The following HPSE2 variants were observed in gnomAD, a reference collection of about 807,000 sequenced individuals.
The protein encoded by HPSE2 is heparanase 2 (inactive).
HPSE2 carries 38 observed loss-of-function variants against 60.5 expected under a neutral mutation model. The observed-to-expected ratio is 0.63, with a 90% CI of 0.48 to 0.82. The LOEUF (loss-of-function observed/expected upper bound fraction) is 0.82, where lower values mean the gene tolerates loss of function less well. Among genes scored for constraint, HPSE2 ranks in the 40% least tolerant of loss-of-function variants. HPSE2 has a pLI of 0.00. For missense variants in HPSE2, 713 were observed against 740.4 expected (o/e 0.96, Z 0.43); for synonymous variants, 295 against 293.2 (o/e 1.01, Z -0.06).
At chr10:98,678,010 T>C (rs1033581042) in intron 6 of HPSE2, among the ~76,000 whole-genome samples, 6 of 152,200 alleles carry the variant, frequency 3.9e-5, no homozygotes, top group African/African-American at 1.4e-4. Flanking sequence ...GCTAAAAATC[T>C]GAATTATCAA....
intron 2 of HPSE2, among the ~76,000 whole-genome samples, chr10:99,165,986 G>T (rs1433603539): frequency 7.3e-6 from 1 of 137,916 alleles, no homozygotes; most frequent in African/African-American, 2.5e-5. Flanking sequence ...CCAACACTTT[G>T]TTGTTTTTTG....
At chr10:99,199,745 A>G (rs941145438) in intron 2 of HPSE2, among the ~76,000 whole-genome samples, 4 of 152,146 alleles carry the variant, frequency 2.6e-5, no homozygotes, top group African/African-American at 9.6e-5. Context: ...TCAAGAATGC[A>G]TTGGCATTTC....
At chr10:99,314,018 G>A in the HPSE2 span, among the ~76,000 whole-genome samples, 1 of 152,090 alleles carries the variant, frequency 6.6e-6, no homozygotes, top group South Asian at 2.1e-4. Flanking sequence ...CTCATTTTAA[G>A]AAATGTTCAC....
chr10:98,563,283 A>G lies in HPSE2; in HGVS notation c.1320+51621T>C, dbSNP rs1186419980. ...ATTGCAACATGGATGAACCTTGAAG[A>G]CATTATGCTAAGTCAAAGAACCTAG... On this transcript the variant is annotated intron_variant, in intron 9 of 11. Coordinates refer to ENST00000370552, the MANE Select transcript of HPSE2 (RefSeq NM_021828.5). Among the ~76,000 whole-genome samples the G allele has an allele frequency of 2.0e-5, 3 of 152,326 alleles. 1 individual carries two copies. The highest frequency in any genetic ancestry group is 2.0e-4 in the Admixed American group (3 of 15,288).
chr10:99,105,656 A>G (rs1844216679), intron 3 of HPSE2, among the ~76,000 whole-genome samples: 1 of 151,716 alleles, frequency 6.6e-6, no homozygotes, highest in Non-Finnish European at 1.5e-5. Context: ...CATTTTTCTC[A>G]TGGCCCTAGC....
chr10:99,186,131 C>CACACACACAT (rs1554912925), intron 2 of HPSE2, among the ~76,000 whole-genome samples: 7 of 149,404 alleles, frequency 4.7e-5, no homozygotes, highest in African/African-American at 1.2e-4. Flanking sequence ...CACACACACA[C>CACACACACAT]ACACACACAC....
At chr10:98,908,986 T>C (rs72836754) in intron 3 of HPSE2, among the ~76,000 whole-genome samples, 2 of 152,150 alleles carry the variant, frequency 1.3e-5, no homozygotes, top group Non-Finnish European at 2.9e-5. Flanking sequence ...TGGGTGGGAA[T>C]GGTATAGGGC....
At chr10:98,672,740 T>C (rs941122892) in intron 6 of HPSE2, among the ~76,000 whole-genome samples, 16 of 152,202 alleles carry the variant, frequency 1.1e-4, no homozygotes, top group African/African-American at 3.4e-4. Flanking sequence ...ACCTCAATCA[T>C]TTCTAAGCTT....
At chr10:98,834,347 T>C (rs919006313) in intron 3 of HPSE2, among the ~76,000 whole-genome samples, 9 of 152,282 alleles carry the variant, frequency 5.9e-5, no homozygotes, top group African/African-American at 2.2e-4. Context: ...GAGAACCAAT[T>C]CATTATCTTG....
At chr10:98,676,998 A>G (rs1947661600) in intron 6 of HPSE2, among the ~76,000 whole-genome samples, 1 of 150,272 alleles carries the variant, frequency 6.7e-6, no homozygotes, top group African/African-American at 2.5e-5. Flanking sequence ...TCTGCAGCAG[A>G]TATTTGTCTA....
At chr10:98,522,284 T>A (rs1001014371) in intron 9 of HPSE2, among the ~76,000 whole-genome samples, 3 of 151,372 alleles carry the variant, frequency 2.0e-5, no homozygotes, top group Non-Finnish European at 2.9e-5. Flanking sequence ...CAAAATAATT[T>A]AAAAAAAAGA....
At chr10:98,629,444 A>G (rs2134006606) in intron 7 of HPSE2, among the ~76,000 whole-genome samples, 1 of 152,228 alleles carries the variant, frequency 6.6e-6, no homozygotes, top group South Asian at 2.1e-4. Context: ...TCCTTATTGT[A>G]TTTATAAGTG....
At chr10:99,205,256 TA>T (rs1331957938) in intron 2 of HPSE2, among the ~76,000 whole-genome samples, 1 of 151,804 alleles carries the variant, frequency 6.6e-6, no homozygotes, top group Non-Finnish European at 1.5e-5. Flanking sequence ...ATTTTAAAAC[TA>T]AAAAAATAGA....
In HPSE2 at chr10:99,221,524, A is replaced by G. The variant is rs117594526; in HGVS notation, c.448+10824T>C. Reference sequence around the variant, plus strand: ...TGGCCACAAGAGTGATTTTTAGACAATAAGTATTTTAGAAACTCAGGCTCA... The same window carrying G: ...TGGCCACAAGAGTGATTTTTAGACAGTAAGTATTTTAGAAACTCAGGCTCA... On this transcript the variant is annotated intron_variant, in intron 2 of 11. Transcript: ENST00000370552. Among the ~76,000 whole-genome samples the G allele has an allele frequency of 2.5e-3, 388 of 152,340 alleles. 2 individuals carry two copies. Among genetic ancestry groups the G allele is most frequent in the Non-Finnish European group, 3.6e-3 (244 of 68,030 alleles).
At chr10:98,593,347 G>C (rs1354613978) in intron 9 of HPSE2, among the ~76,000 whole-genome samples, 1 of 152,178 alleles carries the variant, frequency 6.6e-6, no homozygotes, top group Non-Finnish European at 1.5e-5. Flanking sequence ...TGGCTCATTG[G>C]AATAAGATTC....
chr10:98,634,082 G>A (rs1355347548), intron 7 of HPSE2, among the ~76,000 whole-genome samples: 1 of 152,200 alleles, frequency 6.6e-6, no homozygotes, highest in East Asian at 1.9e-4. Context: ...TCATAGGGCT[G>A]TCTAAACTGA....
the HPSE2 span, among the ~76,000 whole-genome samples, chr10:99,296,606 A>G: frequency 6.6e-6 from 1 of 152,236 alleles, no homozygotes; most frequent in African/African-American, 2.4e-5. Flanking sequence ...GTTTTCTTCT[A>G]TCACTGGCTT....
chr10:99,305,735 T>A, the HPSE2 span, among the ~76,000 whole-genome samples: 1 of 151,876 alleles, frequency 6.6e-6, no homozygotes, highest in South Asian at 2.1e-4. Context: ...GACTTATATA[T>A]ATGAATATAT....
intron 3 of HPSE2, among the ~76,000 whole-genome samples, chr10:98,803,030 G>C (rs1589851192): frequency 1.3e-5 from 2 of 148,922 alleles, no homozygotes; most frequent in East Asian, 4.0e-4. Flanking sequence ...GTGTGAGATG[G>C]TATCTCATTG....
Sources: allele counts gnomAD v4.1 joint callset (sites outside exome capture counted in the v4.1 genomes callset), GRCh38; gene constraint gnomAD v4.1.1; transcripts MANE v1.5; gene names NCBI Gene and HGNC (gene_info 2026-07-23, HGNC 2026-07-21).